Variants in CLMN observed in about 807,000 individuals in gnomAD.
The protein encoded by CLMN is calmin, also known as calmin (calponin-like, transmembrane).
CLMN carries 57 observed loss-of-function variants against 92.7 expected under a neutral mutation model. The observed-to-expected ratio is 0.61, with a 90% CI of 0.50 to 0.77. CLMN has a LOEUF of 0.77. CLMN is among the 30% of genes least tolerant of loss of function. The pLI is 0.00. For synonymous variants in CLMN, 466 were observed against 470.6 expected (o/e 0.99, Z 0.13); for missense variants, 1,158 against 1,237.5 (o/e 0.94, Z 0.96).
At chr14:95,287,543 C>CCCATCAG (rs755827914) in intron 1 of CLMN, among the ~76,000 whole-genome samples, 26 of 152,168 alleles carry the variant, frequency 1.7e-4, no homozygotes, top group Non-Finnish European at 8.8e-5. Context: ...AACTTGAGCA[C>CCCATCAG]CCATCAGAAG....
intron 1 of CLMN, among the ~76,000 whole-genome samples, chr14:95,245,529 T>C (rs1165294697): frequency 6.8e-6 from 1 of 147,624 alleles, no homozygotes. Flanking sequence ...GATGGATGGA[T>C]AGGTAGATGG....
chr14:95,308,717 A>ATT (rs986540682), intron 1 of CLMN, among the ~76,000 whole-genome samples: 5 of 152,170 alleles, frequency 3.3e-5, no homozygotes, highest in African/African-American at 1.2e-4. Flanking sequence ...CCCTGACTTG[A>ATT]TTTTTATATA....
At position 95,265,688 on chromosome 14, in the gene CLMN, C is replaced by T. The variant is rs369659358; in HGVS notation, c.83-35555G>A. 4.6e-5 allele frequency among the ~76,000 whole-genome samples: 7 copies of T among 152,304 alleles called. No homozygotes were observed. In the East Asian group the frequency reaches 7.7e-4, roughly 17 times the overall value. ...TTTCACTTCCTGGTGAGTCATATTC[C>T]GAGCAGCTGGCTAGGATCAGAAGAA... On this transcript the variant is annotated intron_variant, in intron 1 of 12. Coordinates refer to ENST00000298912, the MANE Select transcript of CLMN (RefSeq NM_024734.4).
intron 1 of CLMN, among the ~76,000 whole-genome samples, chr14:95,270,957 AC>A (rs760289758): frequency 1.3e-5 from 2 of 152,214 alleles, no homozygotes; most frequent in Non-Finnish European, 2.9e-5. Flanking sequence ...TAATTTTTCC[AC>A]ATCCTTGAGA....
chr14:95,229,874 C>T (rs1490289814), intron 2 of CLMN, among the ~76,000 whole-genome samples, 198 bp downstream of exon 2: 2 of 152,060 alleles, frequency 1.3e-5, no homozygotes, highest in Non-Finnish European at 2.9e-5. Flanking sequence ...AATGATGACC[C>T]CAGGAGGGCA....
Position 95,243,040 on chromosome 14 carries a change from G to A in CLMN, c.83-12907C>T, listed in dbSNP as rs148843286. ...CATATAGAGTCAAGTCATCATCATG[G>A]TGTGAAAGCTGCCAAAACACTGCAT... On this transcript the variant is annotated intron_variant, in intron 1 of 12. Coordinates refer to ENST00000298912, the MANE Select transcript of CLMN (RefSeq NM_024734.4). Among the ~76,000 whole-genome samples the A allele has an allele frequency of 2.5e-3, 382 of 152,294 alleles. 3 individuals carry two copies. The highest frequency in any genetic ancestry group is 9.1e-3 in the African/African-American group (376 of 41,546).
In CLMN at chr14:95,221,709, C is replaced by G; in HGVS notation, c.306G>C (p.Lys102Asn). 1 of 1,614,122 alleles carries G rather than the reference C, an allele frequency of 6.2e-7. No homozygotes were observed. Among genetic ancestry groups the G allele is most frequent in the Non-Finnish European group, 8.5e-7 (1 of 1,180,012 alleles). The part of the protein sequence containing the change: ...FRLNNIAKAL[K>N]FLEDSNVKLV... ...CACTTACATTGCTATCTTCCAAAAA[C>G]TTAAGTGCTTTCGCTATGTTGTTCA... is the stretch of plus-strand genomic sequence containing the variant. The change falls in exon 4 of 13, where the codon AAG becomes AAC. Residue 102 changes from lysine (K) to asparagine (N), a missense_variant. Transcript: ENST00000298912.
At chr14:95,267,017 T>C (rs1899499812) in intron 1 of CLMN, among the ~76,000 whole-genome samples, 1 of 152,136 alleles carries the variant, frequency 6.6e-6, no homozygotes, top group South Asian at 2.1e-4. Flanking sequence ...TTTCTGAGCA[T>C]ACAAAAATCA....
At chr14:95,245,225 T>TTATA (rs1457604912) in intron 1 of CLMN, among the ~76,000 whole-genome samples, 1 of 24,358 alleles carries the variant, frequency 4.1e-5, no homozygotes, top group African/African-American at 2.7e-4. Context: ...TATATATATA[T>TTATA]TATATATATA....
chr14:95,271,269 C>T (rs1295735963), intron 1 of CLMN, among the ~76,000 whole-genome samples: 2 of 152,176 alleles, frequency 1.3e-5, no homozygotes, highest in South Asian at 2.1e-4. Flanking sequence ...ATTTTACTTT[C>T]GTGATGGTAT....
chr14:95,193,271 T>C, intron 12 of CLMN: 1 of 1,288,854 alleles, frequency 7.8e-7, no homozygotes, highest in Non-Finnish European at 1.1e-6. Flanking sequence ...TTTCCAGCAA[T>C]TCAGCAACAT....
At chr14:95,234,552 T>C (rs914587592) in intron 1 of CLMN, among the ~76,000 whole-genome samples, 15 of 152,140 alleles carry the variant, frequency 9.9e-5, no homozygotes, top group African/African-American at 3.6e-4. Flanking sequence ...GGTGTGGGTT[T>C]AATGGGCAAG....
At chr14:95,220,588 G>A (rs1897504665) in intron 4 of CLMN, among the ~76,000 whole-genome samples, 4 of 152,298 alleles carry the variant, frequency 2.6e-5, no homozygotes, top group Non-Finnish European at 4.4e-5. Context: ...CTTGCTGGCC[G>A]CCACCATCTG....
intron 1 of CLMN, among the ~76,000 whole-genome samples, chr14:95,313,003 C>T (rs571809685): frequency 2.0e-5 from 3 of 152,230 alleles, no homozygotes; most frequent in South Asian, 2.1e-4. Context: ...GTCAGGAGTT[C>T]GAGACCAGCC....
intron 1 of CLMN, among the ~76,000 whole-genome samples, chr14:95,317,753 AGGGTACT>A (rs1442479135): frequency 1.3e-5 from 2 of 152,306 alleles, no homozygotes; most frequent in Admixed American, 6.5e-5. Context: ...TCGACCATCT[AGGGTACT>A]GGAAATCTAC....
chr14:95,282,991 T>C (rs1052739446), intron 1 of CLMN, among the ~76,000 whole-genome samples: 4 of 152,254 alleles, frequency 2.6e-5, no homozygotes, highest in Admixed American at 1.3e-4. Context: ...GCAGTCGGGC[T>C]GGAGCAGATC....
Position 95,210,709 on chromosome 14 carries a change from A to C in CLMN, c.779T>G (p.Ile260Ser), listed in dbSNP as rs1487127133. Reference sequence around the variant, plus strand: ...ACCTTCTGGCTCCAGGAGCCTGGGGATGTGCAGGGCATCCTGTGCGATGCT... The same window carrying C: ...ACCTTCTGGCTCCAGGAGCCTGGGGCTGTGCAGGGCATCCTGTGCGATGCT... ...AFSIAQDALH[I>S]PRLLEPEDIM... The change falls in exon 7 of 13, where the codon ATC (isoleucine) becomes AGC (serine). Residue 260 changes from isoleucine to serine, a missense_variant. Coordinates refer to ENST00000298912, the MANE Select transcript of CLMN (RefSeq NM_024734.4). 6.2e-7 allele frequency: 1 copy of C among 1,606,608 alleles called. No individual in the cohort carries two copies. Among genetic ancestry groups the C allele is most frequent in the Non-Finnish European group, 8.5e-7 (1 of 1,177,034 alleles).
chr14:95,263,609 A>C (rs1324619686), intron 1 of CLMN, among the ~76,000 whole-genome samples: 1 of 152,202 alleles, frequency 6.6e-6, no homozygotes, highest in African/African-American at 2.4e-5. Context: ...GGAGCCCTAA[A>C]CGTTACTTGG....
chr14:95,317,415 C>G (rs1341183048), intron 1 of CLMN, among the ~76,000 whole-genome samples: 2 of 152,138 alleles, frequency 1.3e-5, no homozygotes, highest in African/African-American at 4.8e-5. Context: ...TGCTAATGCC[C>G]CCAAAAGACA....
Sources: gnomAD v4.1 joint callset for allele counts (sites outside exome capture counted in the v4.1 genomes callset) on GRCh38, gnomAD v4.1.1 for gene constraint, MANE v1.5 for transcripts, NCBI Gene and HGNC (gene_info 2026-07-23, HGNC 2026-07-21) for gene names.